Variants in CR1L observed in about 807,000 individuals in gnomAD.
CR1L encodes the protein complement component receptor 1-like protein.
In CR1L, 59 loss-of-function variants were observed where a neutral mutation model predicts 62.3. That is an observed-to-expected ratio of 0.95 (90% confidence interval 0.77 to 1.18). The LOEUF is 1.18. Among genes scored for constraint, CR1L ranks in the 50% most tolerant of loss-of-function variants. CR1L has a pLI of 0.00. For missense variants in CR1L, 700 were observed against 702.8 expected, an observed-to-expected ratio of 1.00 and a Z score of 0.04; for synonymous variants, 279 against 248.7, an observed-to-expected ratio of 1.12 and a Z score of -1.15.
chr1:207,697,608 A>G lies in CR1L; in HGVS notation c.968A>G (p.Asp323Gly). ...EVFYSCEPGY[D>G]LRGSTYLHCT... ...TTCTACAGCTGTGAGCCCGGCTACG[A>G]CCTCAGAGGATCTACGTATTTGCAC... The change falls in exon 6 of 12, where the codon GAC becomes GGC. Residue 323 changes from aspartate to glycine, a missense_variant. By Grantham distance (94) the Asp-to-Gly change is moderately conservative (BLOSUM62 -1). Transcript: ENST00000508064. 6.2e-7 allele frequency: 1 copy of G among 1,613,840 alleles called. No homozygotes were observed. Among genetic ancestry groups the G allele is most frequent in the Non-Finnish European group, 8.5e-7 (1 of 1,179,822 alleles).
At chr1:207,686,110 CCCTCCCTCCCTCCCTT>C (rs1663901415) in intron 4 of CR1L, among the ~76,000 whole-genome samples, 1 of 9,010 alleles carries the variant, frequency 1.1e-4, no homozygotes, top group Non-Finnish European at 2.1e-4. Context: ...CTTCCTTCCT[CCCTCCCTCCCTCCCTT>C]CCTCCCTCCC....
intron 10 of CR1L, chr1:207,710,433 C>G: frequency 1.3e-6 from 2 of 1,579,954 alleles, no homozygotes; most frequent in South Asian, 2.2e-5. Flanking sequence ...TTCATTAGCA[C>G]CGACAGAGAG....
chr1:207,677,581 G>A lies in CR1L; in HGVS notation c.277+13G>A, dbSNP rs1450851811. On this transcript the variant is annotated intron_variant, in intron 2 of 11. Coordinates refer to ENST00000508064, the MANE Select transcript of CR1L (RefSeq NM_175710.2). ...GACAAGTGCAAACGTAAGTAACTCT[G>A]GAGTGGGAACCCCTCTGTTAGTCAA... is the stretch of plus-strand genomic sequence containing the variant. 1 of 1,609,268 alleles carries A rather than the reference G, an allele frequency of 6.2e-7. No homozygotes were observed. The highest frequency in any genetic ancestry group is 1.1e-5 in the South Asian group (1 of 89,878).
At chr1:207,656,626 C>A (rs1160508311) in intron 1 of CR1L, among the ~76,000 whole-genome samples, 1 of 152,120 alleles carries the variant, frequency 6.6e-6, no homozygotes, top group African/African-American at 2.4e-5. Context: ...AAACAACAAC[C>A]ATTGGGAAAG....
chr1:207,658,272 T>G (rs1663348822), intron 1 of CR1L, among the ~76,000 whole-genome samples: 1 of 140,650 alleles, frequency 7.1e-6, no homozygotes, highest in Non-Finnish European at 1.5e-5. Flanking sequence ...AAGGAAATGA[T>G]AAAGATAGAG....
At chr1:207,647,710 A>C (rs760047104) in intron 1 of CR1L, among the ~76,000 whole-genome samples, 5 of 152,122 alleles carry the variant, frequency 3.3e-5, no homozygotes, top group Non-Finnish European at 7.3e-5. Context: ...TATGCTCAGG[A>C]TGGTCTTTCT....
At chr1:207,661,489 A>G (rs1374485707) in intron 1 of CR1L, among the ~76,000 whole-genome samples, 1 of 151,146 alleles carries the variant, frequency 6.6e-6, no homozygotes. Flanking sequence ...TTTGTTTTCC[A>G]TTTGCTTGGT....
Position 207,694,361 on chromosome 1 carries a change from T to C in CR1L, c.472T>C (p.Cys158Arg). 3.1e-6 allele frequency: 5 copies of C among 1,614,038 alleles called. No homozygotes were observed. The highest frequency in any genetic ancestry group is 4.2e-6 in the Non-Finnish European group (5 of 1,179,892). Residue 158 changes from cysteine to arginine, a missense_variant, in exon 5 of 12, where the codon TGT becomes CGT. Physicochemically the swap from Cys to Arg is radical, Grantham distance 180 (BLOSUM62 -3). Transcript: ENST00000508064. ...TGCTCTTCCTTTCCCAGGAATTATT[T>C]GTGGGCTACCCCCCACCATCGCCAA... is the stretch of plus-strand genomic sequence containing the variant. ...NKTPVCDRII[C>R]GLPPTIANGD...
intron 10 of CR1L, among the ~76,000 whole-genome samples, chr1:207,715,010 T>C (rs1653958260): frequency 6.6e-6 from 1 of 152,224 alleles, no homozygotes; most frequent in Admixed American, 6.5e-5. Context: ...AGTCTGGTTC[T>C]GTGTTCATGC....
At chr1:207,652,744 A>T in intron 1 of CR1L, 15 of 755,474 alleles carry the variant, frequency 2.0e-5, no homozygotes, top group South Asian at 4.3e-5. Context: ...TAGTAAATAA[A>T]CTAGCCTTTT....
At chr1:207,707,549 A>C (rs1296406276) in intron 9 of CR1L, among the ~76,000 whole-genome samples, 1 of 151,834 alleles carries the variant, frequency 6.6e-6, no homozygotes, top group Non-Finnish European at 1.5e-5. Context: ...AATTGCTTGA[A>C]CTCGGGAGGC....
At chr1:207,699,802 T>A (rs184542664) in intron 8 of CR1L, among the ~76,000 whole-genome samples, 4 of 152,292 alleles carry the variant, frequency 2.6e-5, no homozygotes, top group Admixed American at 1.3e-4. Context: ...GTTATAGCAA[T>A]GAACAAGATG....
chr1:207,668,900 T>C (rs1663564581), intron 1 of CR1L, among the ~76,000 whole-genome samples: 2 of 150,996 alleles, frequency 1.3e-5, no homozygotes, highest in South Asian at 4.1e-4. Context: ...TTTTTGAATA[T>C]ATATCTAATT....
At chr1:207,672,780 CA>C (rs941401652) in intron 1 of CR1L, among the ~76,000 whole-genome samples, 1 of 152,104 alleles carries the variant, frequency 6.6e-6, no homozygotes, top group African/African-American at 2.4e-5. Context: ...GGTAAAGGTG[CA>C]AGATAGAAAG....
intron 3 of CR1L, among the ~76,000 whole-genome samples, chr1:207,680,869 T>C (rs1164936516): frequency 6.6e-6 from 1 of 152,168 alleles, no homozygotes; most frequent in Non-Finnish European, 1.5e-5. Context: ...GATGTAACTA[T>C]GCATGGTCCC....
At chr1:207,707,365 C>G (rs147895269) in intron 9 of CR1L, among the ~76,000 whole-genome samples, 2 of 152,216 alleles carry the variant, frequency 1.3e-5, no homozygotes, top group African/African-American at 4.8e-5. Context: ...CAGTGGCTCA[C>G]GCCTGTAGTC....
rs757329041 is a variant in CR1L at position 207,723,691 on chromosome 1, A to T, written c.*6A>T. The stretch of plus-strand genomic sequence containing the variant: ...AGGAATTCTGTCATCTTTAACAGTA[A>T]GTACCTACTTATAATGAATGCAATG... On this transcript the variant is annotated 3_prime_UTR_variant, in exon 12 of 12. Coordinates refer to ENST00000508064, the MANE Select transcript of CR1L (RefSeq NM_175710.2). The T allele has an allele frequency of 1.2e-5, 18 of 1,547,188 alleles. No homozygotes were observed. Among genetic ancestry groups the T allele is most frequent in the Non-Finnish European group, 1.6e-5 (18 of 1,129,826 alleles).
chr1:207,655,315 G>C, intron 1 of CR1L: 2 of 489,582 alleles, frequency 4.1e-6, no homozygotes, highest in Non-Finnish European at 7.5e-6. Flanking sequence ...ATTCAGACCA[G>C]TAGTCCTCAA....
At position 207,697,491 on chromosome 1, in the gene CR1L, C is replaced by T; in HGVS notation, c.863-12C>T. The T allele has an allele frequency of 1.2e-6, 2 of 1,613,724 alleles. No homozygotes were observed. The highest frequency in any genetic ancestry group is 1.7e-4 in the Middle Eastern group (1 of 6,034). The stretch of plus-strand genomic sequence containing the variant: ...TCACACAATTAGCAGTACTTTGTTT[C>T]TCTCTCCCCAGTATGTCAGCCACCT... On this transcript the variant is annotated splice_polypyrimidine_tract_variant and intron_variant, in intron 5 of 11. Transcript: ENST00000508064.
Sources: allele counts gnomAD v4.1 joint callset (sites outside exome capture counted in the v4.1 genomes callset), GRCh38; gene constraint gnomAD v4.1.1; transcripts MANE v1.5; gene names NCBI Gene and HGNC (gene_info 2026-07-23, HGNC 2026-07-21).